Variants in BABAM2 observed in about 807,000 individuals in gnomAD.
The protein encoded by BABAM2 is BRISC and BRCA1 A complex member 2, also known as BRISC and BRCA1-A complex member 2.
Under a neutral mutation model 54.7 loss-of-function variants are expected in BABAM2, and 31 were observed. The ratio of observed to expected loss-of-function variants is 0.57; its 90% CI spans 0.43 to 0.77. BABAM2 has a LOEUF of 0.77. Among genes scored for constraint, BABAM2 ranks in the 30% least tolerant of loss-of-function variants. The pLI is 0.00. For synonymous variants in BABAM2, 167 were observed against 162.9 expected (o/e 1.03, Z -0.19); for missense variants, 364 against 455.8 (o/e 0.80, Z 1.83).
At chr2:28,079,433 T>C (rs921158773) in intron 6 of BABAM2, among the ~76,000 whole-genome samples, 3 of 152,188 alleles carry the variant, frequency 2.0e-5, no homozygotes, top group African/African-American at 7.2e-5. Context: ...TTTGTTTTCT[T>C]TTTGTTGTAG....
In BABAM2 at chr2:28,129,236, A is replaced by T. The variant is rs1025226534; in HGVS notation, c.571-35A>T. ...GACACTAATAAGATGTTAGGAGAACAGGTGCTGATGTTGTGTTTTCACTTC... is the reference window on the plus strand; with the variant it reads ...GACACTAATAAGATGTTAGGAGAACTGGTGCTGATGTTGTGTTTTCACTTC... On this transcript the variant is annotated intron_variant, in intron 6 of 11. Coordinates refer to ENST00000379624, the MANE Select transcript of BABAM2 (RefSeq NM_199191.3). 1.9e-6 allele frequency: 3 copies of T among 1,548,940 alleles called. No homozygotes were observed. In the African/African-American group the frequency reaches 4.1e-5, roughly 21 times the overall value.
At chr2:28,261,218 G>A (rs6708090) in intron 10 of BABAM2, among the ~76,000 whole-genome samples, 15,297 of 151,718 alleles carry the variant, frequency 0.1, 1,119 homozygotes, top group African/African-American at 0.21. Flanking sequence ...CTGGGATTAC[G>A]GGCATGAGCC....
At chr2:28,044,499 G>A (rs146998053) in intron 5 of BABAM2, among the ~76,000 whole-genome samples, 10,306 of 152,278 alleles carry the variant, frequency 0.068, 526 homozygotes, top group African/African-American at 0.14. Context: ...CCAAAGTGCT[G>A]GGATTACAGG....
At chr2:28,100,654 C>A (rs1280428985) in intron 6 of BABAM2, among the ~76,000 whole-genome samples, 1 of 152,042 alleles carries the variant, frequency 6.6e-6, no homozygotes, top group African/African-American at 2.4e-5. Flanking sequence ...TATCAGGAAG[C>A]ACAAACAAGA....
chr2:28,088,668 A>G (rs572902235), intron 6 of BABAM2, among the ~76,000 whole-genome samples: 42 of 152,188 alleles, frequency 2.8e-4, no homozygotes, highest in Non-Finnish European at 5.4e-4. Flanking sequence ...ATTAAATCAG[A>G]ATCTCTGGGA....
chr2:28,338,877 G>A lies in BABAM2; in HGVS notation c.*364G>A, dbSNP rs1691702301. 1 of 242,148 alleles carries A rather than the reference G, an allele frequency of 4.1e-6. No homozygotes were observed. Among genetic ancestry groups the A allele is most frequent in the East Asian group, 1.1e-4 (1 of 9,132 alleles). 15.0% of individuals were successfully genotyped at this position (242,148 alleles called of 1,614,324 possible). A position where few individuals can be genotyped will look rare whatever the true frequency, so the allele number is the denominator to read the frequency against. On this transcript the variant is annotated 3_prime_UTR_variant, in exon 12 of 12. Transcript: ENST00000379624. ...GACCTCTTAAGTTCTAAGATTAAATGCCCCTCGCTGTTCTTCCTCTGAAAC... is the reference window on the plus strand; with the variant it reads ...GACCTCTTAAGTTCTAAGATTAAATACCCCTCGCTGTTCTTCCTCTGAAAC...
chr2:28,333,931 T>G (rs115626466), intron 11 of BABAM2, among the ~76,000 whole-genome samples: 2,495 of 152,320 alleles, frequency 0.016, 71 homozygotes, highest in African/African-American at 0.057. Context: ...CTCCATTTTC[T>G]CTGATAAAAA....
chr2:27,969,691 G>A (rs1671068652), intron 3 of BABAM2, among the ~76,000 whole-genome samples: 1 of 152,184 alleles, frequency 6.6e-6, no homozygotes, highest in Non-Finnish European at 1.5e-5. Flanking sequence ...CTCGGGACGG[G>A]GGAGGAGGTT....
At chr2:28,219,841 C>T (rs1004032418) in intron 7 of BABAM2, among the ~76,000 whole-genome samples, 1 of 152,106 alleles carries the variant, frequency 6.6e-6, no homozygotes, top group African/African-American at 2.4e-5. Flanking sequence ...CAAGCAAGCA[C>T]GTAGGGTTTA....
chr2:28,298,879 C>G (rs1317628064), intron 11 of BABAM2, among the ~76,000 whole-genome samples: 1 of 152,058 alleles, frequency 6.6e-6, no homozygotes, highest in Non-Finnish European at 1.5e-5. Flanking sequence ...AAAACTACCT[C>G]TCTATTTAGA....
At position 28,237,319 on chromosome 2, in the gene BABAM2, AC is replaced by A; in HGVS notation, c.780+19del. The A allele has an allele frequency of 6.3e-7, 1 of 1,589,976 alleles. No individual in the cohort carries two copies. Among genetic ancestry groups the A allele is most frequent in the Non-Finnish European group, 8.6e-7 (1 of 1,158,962 alleles). On this transcript the variant is annotated intron_variant, in intron 8 of 11. Coordinates refer to ENST00000379624, the MANE Select transcript of BABAM2 (RefSeq NM_199191.3). Reference sequence around the variant, plus strand: ...CCAACAAGGTAAAAGCAAGTCCCCAACTCATCCCTCTTATGAGATTTCTTCC... The same window carrying A: ...CCAACAAGGTAAAAGCAAGTCCCCAATCATCCCTCTTATGAGATTTCTTCC...
At chr2:28,124,513 A>G (rs1218850295) in intron 6 of BABAM2, among the ~76,000 whole-genome samples, 1 of 152,244 alleles carries the variant, frequency 6.6e-6, no homozygotes, top group Non-Finnish European at 1.5e-5. Context: ...TAACAAGGCC[A>G]GGAGCAGGGA....
chr2:28,028,105 C>T (rs1558669154), intron 5 of BABAM2, among the ~76,000 whole-genome samples: 1 of 152,034 alleles, frequency 6.6e-6, no homozygotes, highest in African/African-American at 2.4e-5. Context: ...GAGATGGAGT[C>T]ATTATAAATG....
At chr2:28,122,906 A>C (rs942606689) in intron 6 of BABAM2, among the ~76,000 whole-genome samples, 2 of 152,204 alleles carry the variant, frequency 1.3e-5, no homozygotes, top group African/African-American at 4.8e-5. Context: ...TTGGCGATAC[A>C]TAGTTCAGAC....
chr2:28,061,596 A>C (rs1488859938), intron 6 of BABAM2, among the ~76,000 whole-genome samples: 1 of 151,008 alleles, frequency 6.6e-6, no homozygotes, highest in Non-Finnish European at 1.5e-5. Context: ...AAAAAAAAAA[A>C]AAAAAAAGAG....
At chr2:28,036,401 T>C (rs1676663328) in intron 5 of BABAM2, among the ~76,000 whole-genome samples, 1 of 152,206 alleles carries the variant, frequency 6.6e-6, no homozygotes, top group Admixed American at 6.5e-5. Flanking sequence ...ATGGTACCAT[T>C]AACTTATTTA....
intron 11 of BABAM2, among the ~76,000 whole-genome samples, chr2:28,326,206 G>A (rs1690438912): frequency 6.6e-6 from 1 of 152,200 alleles, no homozygotes; most frequent in African/African-American, 2.4e-5. Flanking sequence ...CCATCCGACA[G>A]GCGGCCCACT....
intron 7 of BABAM2, among the ~76,000 whole-genome samples, chr2:28,152,618 C>T (rs553309621): frequency 6.6e-6 from 1 of 152,300 alleles, no homozygotes; most frequent in South Asian, 2.1e-4. Context: ...GGATGAATGA[C>T]ACTGCTCACC....
chr2:27,897,907 T>C (rs1024410957), intron 2 of BABAM2, among the ~76,000 whole-genome samples: 3 of 152,186 alleles, frequency 2.0e-5, no homozygotes, highest in African/African-American at 7.2e-5. Context: ...CTCAAGAGGG[T>C]ATTTTCCAGT....
Sources: gnomAD v4.1 joint callset for allele counts (sites outside exome capture counted in the v4.1 genomes callset) on GRCh38, gnomAD v4.1.1 for gene constraint, MANE v1.5 for transcripts, NCBI Gene and HGNC (gene_info 2026-07-23, HGNC 2026-07-21) for gene names.